CLEC16A: variants seen among roughly 807,000 people sequenced by gnomAD.
CLEC16A encodes protein CLEC16A.
CLEC16A carries 51 observed loss-of-function variants against 109.5 expected under a neutral mutation model. The observed-to-expected ratio is 0.47, with a 90% CI of 0.37 to 0.59. The LOEUF (loss-of-function observed/expected upper bound fraction) is 0.59, where lower values mean the gene tolerates loss of function less well. CLEC16A is among the 20% of genes least tolerant of loss of function. The pLI is 0.00. For missense variants in CLEC16A, 1,339 were observed against 1,394.0 expected (o/e 0.96, Z 0.63); for synonymous variants, 673 against 564.2 (o/e 1.19, Z -2.73).
intron 11 of CLEC16A, among the ~76,000 whole-genome samples, chr16:11,015,778 G>A (rs988324258): frequency 6.6e-5 from 10 of 152,260 alleles, no homozygotes; most frequent in Admixed American, 2.0e-4. Flanking sequence ...CCAGGGTGCT[G>A]GGGCTTGGCC....
chr16:11,175,857 T>C (rs940064841), intron 23 of CLEC16A, among the ~76,000 whole-genome samples: 1 of 152,232 alleles, frequency 6.6e-6, no homozygotes, highest in African/African-American at 2.4e-5. Flanking sequence ...GGGAACGAAG[T>C]TGGCCAGCTT....
At chr16:11,092,957 G>A (rs1355444991) in intron 19 of CLEC16A, among the ~76,000 whole-genome samples, 4 of 152,240 alleles carry the variant, frequency 2.6e-5, no homozygotes, top group Non-Finnish European at 4.4e-5. Flanking sequence ...AGGCCAGGAG[G>A]CAGGAAGCTC....
At chr16:11,003,031 C>T (rs1399600574) in intron 10 of CLEC16A, 43 bp from the exon 11 acceptor site, 1 of 1,505,564 alleles carries the variant, frequency 6.6e-7, no homozygotes, top group African/African-American at 1.4e-5. Flanking sequence ...CAGCAGGATT[C>T]TAGTGTTCAA....
intron 17 of CLEC16A, among the ~76,000 whole-genome samples, chr16:11,050,043 T>TA (rs367707193): frequency 1.2e-3 from 178 of 152,136 alleles, no homozygotes; most frequent in African/African-American, 3.2e-3. Flanking sequence ...ACTTAATTTA[T>TA]AAAAAAAAGA....
At chr16:11,132,250 C>T (rs2053263091) in intron 22 of CLEC16A, among the ~76,000 whole-genome samples, 1 of 147,084 alleles carries the variant, frequency 6.8e-6, no homozygotes, top group South Asian at 2.2e-4. Flanking sequence ...CCCGCCCCCG[C>T]CCCCATCCAG....
chr16:10,955,527 C>A (rs767922276), intron 1 of CLEC16A, among the ~76,000 whole-genome samples: 1 of 152,038 alleles, frequency 6.6e-6, no homozygotes, highest in African/African-American at 2.4e-5. Flanking sequence ...AAGAGATGCC[C>A]GAGCTGGGTT....
chr16:11,015,022 G>A (rs921813190), intron 11 of CLEC16A, among the ~76,000 whole-genome samples: 1 of 152,212 alleles, frequency 6.6e-6, no homozygotes, highest in African/African-American at 2.4e-5. Flanking sequence ...CTGGTCCCAT[G>A]CCCACATAGC....
At chr16:10,966,767 G>C (rs13338762) in intron 3 of CLEC16A, among the ~76,000 whole-genome samples, 2,088 of 152,264 alleles carry the variant, frequency 0.014, 39 homozygotes, top group African/African-American at 0.048. Flanking sequence ...TCACTATCAC[G>C]AGAACAGGAT....
intron 19 of CLEC16A, among the ~76,000 whole-genome samples, chr16:11,086,135 C>T (rs2049995892): frequency 1.3e-5 from 2 of 152,170 alleles, no homozygotes; most frequent in Admixed American, 1.3e-4. Flanking sequence ...GGCTTGTTTC[C>T]AGGGAACTTT....
chr16:11,158,482 AAG>A (rs2054610862), intron 22 of CLEC16A, among the ~76,000 whole-genome samples: 1 of 152,206 alleles, frequency 6.6e-6, no homozygotes, highest in African/African-American at 2.4e-5. Flanking sequence ...TTTTTCCTAA[AAG>A]AGGTCTATTG....
At chr16:11,132,455 T>C (rs1256092439) in intron 22 of CLEC16A, among the ~76,000 whole-genome samples, 2 of 152,148 alleles carry the variant, frequency 1.3e-5, no homozygotes, top group Non-Finnish European at 2.9e-5. Context: ...TCCACCTTCA[T>C]CCATCAATGC....
intron 19 of CLEC16A, among the ~76,000 whole-genome samples, chr16:11,088,351 G>T (rs1208676605): frequency 6.6e-6 from 1 of 152,232 alleles, no homozygotes; most frequent in Non-Finnish European, 1.5e-5. Context: ...GAGGCAGTCT[G>T]TCCCACACCA....
chr16:11,150,028 A>C (rs941225525), intron 22 of CLEC16A: 3 of 152,164 alleles, frequency 2.0e-5, no homozygotes, highest in African/African-American at 7.2e-5. Context: ...GGCAAAACCA[A>C]AACCTGCCTT....
At chr16:10,990,420 G>A (rs1032861534) in intron 10 of CLEC16A, among the ~76,000 whole-genome samples, 6 of 152,338 alleles carry the variant, frequency 3.9e-5, no homozygotes, top group South Asian at 4.1e-4. Flanking sequence ...CAGAAGGTGG[G>A]CTGGACAACT....
At chr16:10,993,344 A>G (rs551312616) in intron 10 of CLEC16A, among the ~76,000 whole-genome samples, 1 of 152,182 alleles carries the variant, frequency 6.6e-6, no homozygotes, top group East Asian at 1.9e-4. Context: ...ACACCACTGC[A>G]CTCCAGCCTG....
chr16:11,172,824 G>T (rs1170507490), intron 23 of CLEC16A, among the ~76,000 whole-genome samples: 3 of 152,194 alleles, frequency 2.0e-5, no homozygotes, highest in Admixed American at 6.5e-5. Flanking sequence ...GGGAGGCAGA[G>T]GTTGCAGTGA....
At chr16:11,097,424 G>A (rs1475514422) in intron 19 of CLEC16A, among the ~76,000 whole-genome samples, 1 of 152,150 alleles carries the variant, frequency 6.6e-6, no homozygotes, top group Non-Finnish European at 1.5e-5. Context: ...TCCATTGTGT[G>A]TGTTAATCTT....
At chr16:10,963,506 A>G (rs1057095802) in intron 3 of CLEC16A, among the ~76,000 whole-genome samples, 6 of 152,146 alleles carry the variant, frequency 3.9e-5, no homozygotes, top group African/African-American at 1.4e-4. Context: ...TCATCAGCCA[A>G]TGGAATAAGC....
chr16:11,023,881 A>T (rs1359760573), intron 12 of CLEC16A, among the ~76,000 whole-genome samples: 2 of 152,330 alleles, frequency 1.3e-5, no homozygotes, highest in East Asian at 3.9e-4. Flanking sequence ...GGAGGATCAG[A>T]GCCTCTGGCC....
Sources: allele counts gnomAD v4.1 joint callset (sites outside exome capture counted in the v4.1 genomes callset), GRCh38; gene constraint gnomAD v4.1.1; transcripts MANE v1.5; gene names NCBI Gene and HGNC (gene_info 2026-07-23, HGNC 2026-07-21).